Variants in TPST1 observed in about 807,000 individuals in gnomAD.
The protein encoded by TPST1 is tyrosylprotein sulfotransferase 1.
In TPST1, 20 loss-of-function variants were observed where a neutral mutation model predicts 34.8. That is an observed-to-expected ratio of 0.57 (90% CI 0.40 to 0.84). The LOEUF is 0.84. Among genes scored for constraint, TPST1 ranks in the 40% least tolerant of loss-of-function variants. The pLI is 0.00. For synonymous variants in TPST1, 152 were observed against 159.4 expected (o/e 0.95, Z 0.35); for missense variants, 353 against 455.5 (o/e 0.78, Z 2.05).
chr7:66,302,592 A>G (rs1016317649), intron 3 of TPST1, among the ~76,000 whole-genome samples: 1 of 152,156 alleles, frequency 6.6e-6, no homozygotes, highest in Admixed American at 6.5e-5. Flanking sequence ...GTTTCAGCAA[A>G]ATCTTTCCAC....
At chr7:66,258,389 CTG>C (rs1359982683) in intron 2 of TPST1, among the ~76,000 whole-genome samples, 8 of 152,230 alleles carry the variant, frequency 5.3e-5, no homozygotes, top group Admixed American at 1.3e-4. Context: ...AGTTCAAAGA[CTG>C]TGCTATGCTA....
intron 1 of TPST1, among the ~76,000 whole-genome samples, chr7:66,207,381 C>T (rs1789153010): frequency 6.6e-6 from 1 of 152,168 alleles, no homozygotes; most frequent in South Asian, 2.1e-4. Context: ...TTTGTCTGTG[C>T]CTGTCTGTAC....
At chr7:66,334,141 G>C (rs1792047186) in intron 3 of TPST1, among the ~76,000 whole-genome samples, 1 of 152,146 alleles carries the variant, frequency 6.6e-6, no homozygotes, top group Admixed American at 6.5e-5. Context: ...ACTAAAAATA[G>C]GGAGGTTGAC....
At chr7:66,328,052 T>C (rs1257581773) in intron 3 of TPST1, among the ~76,000 whole-genome samples, 9 of 138,436 alleles carry the variant, frequency 6.5e-5, no homozygotes, top group Non-Finnish European at 1.2e-4. Context: ...GACAGAGTCT[T>C]GCTCTGTTAC....
chr7:66,339,358 A>C (rs1219670608), intron 3 of TPST1, among the ~76,000 whole-genome samples: 1 of 152,150 alleles, frequency 6.6e-6, no homozygotes, highest in African/African-American at 2.4e-5. Context: ...AAGCCATATA[A>C]AAAAAGTCTC....
intron 2 of TPST1, among the ~76,000 whole-genome samples, chr7:66,271,112 T>TAAA (rs1790695283): frequency 6.6e-6 from 1 of 152,122 alleles, no homozygotes. Context: ...GAGACCAATT[T>TAAA]TATATGTTTC....
chr7:66,257,796 G>A (rs952599608), intron 2 of TPST1, among the ~76,000 whole-genome samples: 2 of 152,090 alleles, frequency 1.3e-5, no homozygotes, highest in Non-Finnish European at 2.9e-5. Flanking sequence ...GTTGAGTCGC[G>A]AGGACCTATT....
chr7:66,356,925 AG>A lies in TPST1; in HGVS notation c.*29+59del, dbSNP rs1418596243. The A allele has an allele frequency of 4.4e-6, 7 of 1,597,354 alleles. No individual in the cohort carries two copies. In the East Asian group the frequency reaches 1.6e-4, roughly 36 times the overall value. ...TTCTGTTTCCCACTCGGGCTCTTGC[AG>A]GGGGCTGGGTGGCCAAGGTGGAGAG... On this transcript the variant is annotated intron_variant, in intron 5 of 5. Transcript: ENST00000304842.
At chr7:66,331,408 T>C (rs1254901313) in intron 3 of TPST1, among the ~76,000 whole-genome samples, 2 of 152,216 alleles carry the variant, frequency 1.3e-5, no homozygotes, top group Non-Finnish European at 2.9e-5. Context: ...TTTCTGACGA[T>C]TTTTCCTATA....
chr7:66,219,760 G>A (rs1789500598), intron 1 of TPST1, among the ~76,000 whole-genome samples: 1 of 152,174 alleles, frequency 6.6e-6, no homozygotes, highest in Non-Finnish European at 1.5e-5. Context: ...GCCTAATAAT[G>A]ACTGGGACGT....
intron 1 of TPST1, among the ~76,000 whole-genome samples, chr7:66,230,942 A>G (rs544450711): frequency 2.0e-5 from 3 of 152,272 alleles, no homozygotes; most frequent in African/African-American, 7.2e-5. Context: ...AGGTTCTCCA[A>G]GGCCCCACCA....
intron 3 of TPST1, among the ~76,000 whole-genome samples, chr7:66,303,344 T>C (rs552395898): frequency 3.3e-5 from 5 of 152,170 alleles, no homozygotes; most frequent in African/African-American, 9.6e-5. Flanking sequence ...TCTTAAGATA[T>C]GGTCAGTGTT....
At chr7:66,356,343 C>G (rs73146689) in intron 4 of TPST1, among the ~76,000 whole-genome samples, 22 of 152,274 alleles carry the variant, frequency 1.4e-4, no homozygotes, top group Non-Finnish European at 1.8e-4. Context: ...CCCGGCACAC[C>G]CATGTGTTCA....
chr7:66,293,931 A>T (rs1301864521), intron 3 of TPST1, among the ~76,000 whole-genome samples: 1 of 152,204 alleles, frequency 6.6e-6, no homozygotes, highest in African/African-American at 2.4e-5. Flanking sequence ...ATTATTTCAG[A>T]AAGTGCTGAA....
chr7:66,298,372 T>C (rs939201643), intron 3 of TPST1, among the ~76,000 whole-genome samples: 4 of 152,226 alleles, frequency 2.6e-5, no homozygotes, highest in African/African-American at 7.2e-5. Flanking sequence ...GTAACTCTTT[T>C]GTAATTATGA....
At chr7:66,349,432 C>T (rs1295779141) in intron 3 of TPST1, among the ~76,000 whole-genome samples, 4 of 152,068 alleles carry the variant, frequency 2.6e-5, no homozygotes, top group Admixed American at 1.3e-4. Context: ...AGTAGCCAGG[C>T]GTGGTGGTGC....
At chr7:66,281,865 C>T (rs547318706) in intron 2 of TPST1, among the ~76,000 whole-genome samples, 56 of 152,284 alleles carry the variant, frequency 3.7e-4, no homozygotes, top group African/African-American at 1.3e-3. Flanking sequence ...AAATGAATGT[C>T]GTGGAGAATT....
chr7:66,312,186 T>G (rs1791544876), intron 3 of TPST1, among the ~76,000 whole-genome samples: 1 of 152,242 alleles, frequency 6.6e-6, no homozygotes, highest in African/African-American at 2.4e-5. Context: ...GAAATTCAGT[T>G]CCTTAAGAAA....
At chr7:66,221,604 A>G (rs1789545321) in intron 1 of TPST1, 1 of 152,238 alleles carries the variant, frequency 6.6e-6, no homozygotes, top group Non-Finnish European at 1.5e-5. Flanking sequence ...GATTTGAATC[A>G]TTACAGTGTA....
Sources: allele counts gnomAD v4.1 joint callset (sites outside exome capture counted in the v4.1 genomes callset), GRCh38; gene constraint gnomAD v4.1.1; transcripts MANE v1.5; gene names NCBI Gene and HGNC (gene_info 2026-07-23, HGNC 2026-07-21).